The following SLC25A48 variants were observed in gnomAD, a reference collection of about 807,000 sequenced individuals.
SLC25A48 encodes solute carrier family 25 member 48, also known as CTC-321K16.1.
SLC25A48 carries 29 observed loss-of-function variants against 32.2 expected under a neutral mutation model. The ratio of observed to expected loss-of-function variants is 0.90; its 90% CI spans 0.67 to 1.23. The LOEUF is 1.23. Ranked by LOEUF, SLC25A48 falls within the 50% of genes most tolerant of loss-of-function variation. The pLI, the probability that SLC25A48 is intolerant of heterozygous loss-of-function variation, is 0.00. For missense variants in SLC25A48, 399 were observed against 422.7 expected (o/e 0.94, Z 0.49); for synonymous variants, 164 against 172.3 (o/e 0.95, Z 0.38).
chr5:135,863,085 C>T (rs920892766), intron 4 of SLC25A48, among the ~76,000 whole-genome samples: 1 of 152,012 alleles, frequency 6.6e-6, no homozygotes, highest in African/African-American at 2.4e-5. Context: ...AGACAGGTGG[C>T]AGATGCAGAG....
chr5:135,719,150 T>C (rs896745034), intron 3 of SLC25A48, among the ~76,000 whole-genome samples: 7 of 152,188 alleles, frequency 4.6e-5, no homozygotes, highest in African/African-American at 1.7e-4. Flanking sequence ...TATCTCAAAA[T>C]CAAACATTTA....
At chr5:135,811,449 AC>A in intron 3 of SLC25A48, among the ~76,000 whole-genome samples, 1 of 152,320 alleles carries the variant, frequency 6.6e-6, no homozygotes, top group South Asian at 2.1e-4. Flanking sequence ...GTCGAAGGGT[AC>A]AAAATTTCAG....
At chr5:135,742,549 G>A (rs1755523508) in intron 3 of SLC25A48, 26 of 1,418,938 alleles carry the variant, frequency 1.8e-5, no homozygotes, top group Non-Finnish European at 2.5e-5. Context: ...CCAAGATTTT[G>A]TGTTTTATGG....
Position 135,850,476 on chromosome 5 carries a change from G to A in SLC25A48, c.142G>A (p.Val48Met), listed in dbSNP as rs370830017. The change falls in exon 3 of 8, where the codon GTG becomes ATG. Residue 48 changes from valine (V) to methionine (M), a missense_variant. Transcript: ENST00000681962. ...CGGAAACACCCTCAGCTGCATCCGC[G>A]TGGTGTACAGGAGGGAGAGTGTAAG... ...GYGNTLSCIR[V>M]VYRRESMFGF... The A allele has an allele frequency of 2.7e-5, 43 of 1,614,014 alleles. No homozygotes were observed. Among genetic ancestry groups the A allele is most frequent in the South Asian group, 3.3e-5 (3 of 91,092 alleles).
At chr5:135,783,369 G>A (rs116672906) in intron 3 of SLC25A48, among the ~76,000 whole-genome samples, 1 of 115,570 alleles carries the variant, frequency 8.7e-6, no homozygotes, top group African/African-American at 2.6e-5. Context: ...GAAGGGGAAA[G>A]AATGATATTA....
intron 3 of SLC25A48, among the ~76,000 whole-genome samples, chr5:135,685,521 C>T (rs892899544): frequency 5.9e-5 from 9 of 151,306 alleles, no homozygotes; most frequent in African/African-American, 2.2e-4. Flanking sequence ...CAACCTCTGC[C>T]TTCCGGGTTC....
chr5:135,809,829 G>GTACCAATGGACCTTCT, intron 3 of SLC25A48, among the ~76,000 whole-genome samples: 1 of 152,280 alleles, frequency 6.6e-6, no homozygotes, highest in African/African-American at 2.4e-5. Context: ...GTACTCCACG[G>GTACCAATGGACCTTCT]TACCAATGGA....
chr5:135,595,422 C>T (rs1751626250), intron 1 of SLC25A48, among the ~76,000 whole-genome samples: 1 of 152,196 alleles, frequency 6.6e-6, no homozygotes, highest in South Asian at 2.1e-4. Flanking sequence ...CACCGCCAAC[C>T]AGGAACATAG....
chr5:135,616,961 G>A (rs1315044459), intron 1 of SLC25A48, among the ~76,000 whole-genome samples: 3 of 152,108 alleles, frequency 2.0e-5, no homozygotes, highest in Non-Finnish European at 4.4e-5. Context: ...TCAGGGTAAT[G>A]TTGGCCTCAT....
At chr5:135,767,101 G>C (rs73789144) in intron 3 of SLC25A48, among the ~76,000 whole-genome samples, 179 of 142,456 alleles carry the variant, frequency 1.3e-3, no homozygotes, top group African/African-American at 4.2e-3. Flanking sequence ...TCCTAATAGC[G>C]CTGGGGGTGT....
chr5:135,718,223 C>G (rs960451987), intron 3 of SLC25A48, among the ~76,000 whole-genome samples: 1 of 152,120 alleles, frequency 6.6e-6, no homozygotes, highest in African/African-American at 2.4e-5. Flanking sequence ...GAAGCTGAGT[C>G]CCCTTGGCTC....
In SLC25A48 at chr5:135,880,160, T is replaced by A. The variant is rs576665598; in HGVS notation, c.*7+63T>A. On this transcript the variant is annotated intron_variant, in intron 7 of 7. Coordinates refer to ENST00000681962, the MANE Select transcript of SLC25A48 (RefSeq NM_001349336.2). ...GGAACTTGAAACTTTTTTTTTTTTT[T>A]ATCATGAGAATGTTGTGGCCTTCTG... 27 of 1,475,454 alleles carry A rather than the reference T, an allele frequency of 1.8e-5. No homozygotes were observed. The East Asian group carries it at 3.5e-4, about 19-fold the overall frequency. 91.4% of individuals were successfully genotyped at this position (1,475,454 alleles called of 1,614,324 possible).
intron 6 of SLC25A48, chr5:135,875,878 G>T (rs1761991775): frequency 6.6e-6 from 1 of 152,222 alleles, no homozygotes; most frequent in South Asian, 2.1e-4. Flanking sequence ...AGACCCTAGT[G>T]GTGCCCTGGG....
rs767602697 is a variant in SLC25A48 at position 135,865,773 on chromosome 5, C to CT, written c.422-5683dup. On this transcript the variant is annotated intron_variant, in intron 4 of 7. Coordinates refer to ENST00000681962, the MANE Select transcript of SLC25A48 (RefSeq NM_001349336.2). The stretch of plus-strand genomic sequence containing the variant: ...AGCCTCAGGCATGGGCTGTGGGGAC[C>CT]TTTTTCTAAGAGCGCCTTGTTAATA... Among the ~76,000 whole-genome samples, 274 of 152,304 alleles carry CT rather than the reference C, an allele frequency of 1.8e-3. 3 individuals carry two copies. Among genetic ancestry groups the CT allele is most frequent in the Non-Finnish European group, 2.2e-3 (153 of 68,032 alleles).
At chr5:135,799,297 G>A (rs1757262800) in intron 3 of SLC25A48, among the ~76,000 whole-genome samples, 2 of 151,656 alleles carry the variant, frequency 1.3e-5, no homozygotes, top group East Asian at 1.9e-4. Context: ...CAATATTGAA[G>A]GGCAGATGTA....
chr5:135,625,592 G>A (rs1010673825), intron 1 of SLC25A48, among the ~76,000 whole-genome samples: 1 of 152,128 alleles, frequency 6.6e-6, no homozygotes, highest in Admixed American at 6.5e-5. Flanking sequence ...AGTCTCACTC[G>A]GGAGTTAGCT....
At chr5:135,698,339 G>A (rs1344621970) in intron 3 of SLC25A48, among the ~76,000 whole-genome samples, 1 of 152,188 alleles carries the variant, frequency 6.6e-6, no homozygotes, top group Non-Finnish European at 1.5e-5. Flanking sequence ...TTCTTTGGCT[G>A]GTGGTTCTTA....
chr5:135,743,612 A>C (rs1403699369), intron 3 of SLC25A48, among the ~76,000 whole-genome samples: 1 of 152,218 alleles, frequency 6.6e-6, no homozygotes, highest in African/African-American at 2.4e-5. Context: ...ATGGAAAATA[A>C]AATGTCTCAT....
chr5:135,754,271 G>A (rs184315256), intron 3 of SLC25A48, among the ~76,000 whole-genome samples: 21 of 145,896 alleles, frequency 1.4e-4, no homozygotes, highest in Non-Finnish European at 2.3e-4. Flanking sequence ...TTATTATGCA[G>A]GATATCATAG....
Sources: allele counts gnomAD v4.1 joint callset (sites outside exome capture counted in the v4.1 genomes callset), GRCh38; gene constraint gnomAD v4.1.1; transcripts MANE v1.5; gene names NCBI Gene and HGNC (gene_info 2026-07-23, HGNC 2026-07-21).